The following LPP variants were observed in gnomAD, a reference collection of about 807,000 sequenced individuals.
LPP encodes LIM domain containing preferred translocation partner in lipoma, also known as lipoma-preferred partner.
A neutral mutation model predicts 60.4 loss-of-function variants in LPP; 38 were observed. The observed-to-expected ratio is 0.63, with a 90% confidence interval of 0.49 to 0.83. The LOEUF (loss-of-function observed/expected upper bound fraction) is 0.83, where lower values mean the gene tolerates loss of function less well. LPP is among the 40% of genes least tolerant of loss of function. LPP has a pLI of 0.00. For synonymous variants in LPP, 328 were observed against 290.8 expected (o/e 1.13, Z -1.30); for missense variants, 902 against 783.6 (o/e 1.15, Z -1.80).
intron 6 of LPP, among the ~76,000 whole-genome samples, chr3:188,525,636 A>T (rs968883727): frequency 6.6e-6 from 1 of 152,278 alleles, no homozygotes; most frequent in African/African-American, 2.4e-5. Context: ...TACAGGGGAC[A>T]TATTTGTGTA....
intron 6 of LPP, among the ~76,000 whole-genome samples, chr3:188,583,194 T>G (rs1836653557): frequency 6.6e-6 from 1 of 152,218 alleles, no homozygotes; most frequent in Non-Finnish European, 1.5e-5. Flanking sequence ...GTTTTCCACG[T>G]GCGAAATAGG....
intron 9 of LPP, among the ~76,000 whole-genome samples, chr3:188,848,441 A>G (rs1413274856): frequency 6.6e-6 from 1 of 152,058 alleles, no homozygotes; most frequent in Non-Finnish European, 1.5e-5. Flanking sequence ...TTCATGTCGC[A>G]CTCTTGCTGA....
intron 5 of LPP, among the ~76,000 whole-genome samples, chr3:188,488,887 T>C (rs1386004972): frequency 1.3e-5 from 2 of 152,172 alleles, no homozygotes; most frequent in Admixed American, 6.5e-5. Context: ...TCCACCCGCC[T>C]TGGCCTCCCA....
intron 6 of LPP, among the ~76,000 whole-genome samples, chr3:188,607,277 G>C (rs1407789418): frequency 6.7e-6 from 1 of 149,358 alleles, no homozygotes; most frequent in African/African-American, 2.5e-5. Flanking sequence ...GAGATGAGAA[G>C]ATTTTTCTCA....
intron 2 of LPP, among the ~76,000 whole-genome samples, chr3:188,252,318 T>G (rs1730126586): frequency 6.8e-6 from 1 of 147,018 alleles, no homozygotes; most frequent in Admixed American, 6.9e-5. Flanking sequence ...CTCTCTTCTT[T>G]TCTTCTTCTC....
At chr3:188,706,467 C>T (rs1011468081) in intron 7 of LPP, among the ~76,000 whole-genome samples, 6 of 152,228 alleles carry the variant, frequency 3.9e-5, no homozygotes, top group Non-Finnish European at 5.9e-5. Flanking sequence ...CAGCCTTCTG[C>T]GTGTCTGTAC....
At position 188,154,381 on chromosome 3, in the gene LPP, C is replaced by A. The variant is rs545958204; in HGVS notation, c.-190+129C>A. Among the ~76,000 whole-genome samples, 20 of 152,220 alleles carry A rather than the reference C, an allele frequency of 1.3e-4. No individual in the cohort carries two copies. In the South Asian group the frequency reaches 3.9e-3, roughly 30 times the overall value. On this transcript the variant is annotated intron_variant, in intron 1 of 11. Transcript: ENST00000617246. ...GGGCGCGCGCCCTGCTCTGGCCTGG[C>A]CCGCTGTGCGGAAGTGCCGGCCGCG...
chr3:188,753,836 T>C (rs545314419), intron 8 of LPP, among the ~76,000 whole-genome samples: 1 of 152,040 alleles, frequency 6.6e-6, no homozygotes, highest in East Asian at 1.9e-4. Context: ...AAACAGACAT[T>C]GGAGCCACCT....
intron 1 of LPP, among the ~76,000 whole-genome samples, chr3:188,220,305 T>A (rs1373905205): frequency 6.6e-6 from 1 of 152,018 alleles, no homozygotes; most frequent in Non-Finnish European, 1.5e-5. Flanking sequence ...CCGTGTGGTA[T>A]GAAAATTTGC....
intron 6 of LPP, among the ~76,000 whole-genome samples, chr3:188,580,113 C>T (rs934373275): frequency 9.9e-5 from 15 of 152,074 alleles, no homozygotes; most frequent in Admixed American, 9.2e-4. Flanking sequence ...ATAGTACTAC[C>T]GTGCAATAAC....
At chr3:188,553,524 T>G (rs886820864) in intron 6 of LPP, among the ~76,000 whole-genome samples, 4 of 152,152 alleles carry the variant, frequency 2.6e-5, no homozygotes, top group African/African-American at 9.7e-5. Context: ...ACACTAGCTT[T>G]TCTTTGAGAT....
rs184322024 is a variant in LPP, at chr3:188,445,307, C to G, written c.193+38994C>G. On this transcript the variant is annotated intron_variant, in intron 4 of 11. Transcript: ENST00000617246. Reference sequence around the variant, plus strand: ...ATATGCACCATGGAATACTATGCAGCCATAAAAAAGGATGAGTTCATGTCC... The same window carrying G: ...ATATGCACCATGGAATACTATGCAGGCATAAAAAAGGATGAGTTCATGTCC... Among the ~76,000 whole-genome samples the G allele has an allele frequency of 2.0e-5, 3 of 152,054 alleles. No individual in the cohort carries two copies. The East Asian group carries it at 5.8e-4, about 29-fold the overall frequency.
intron 7 of LPP, among the ~76,000 whole-genome samples, chr3:188,685,458 A>G (rs1860501268): frequency 6.6e-6 from 1 of 152,170 alleles, no homozygotes; most frequent in Admixed American, 6.5e-5. Context: ...GTAGAAGATA[A>G]GATTGAAAAC....
chr3:188,814,920 A>G (rs879872413), intron 9 of LPP, among the ~76,000 whole-genome samples: 29 of 152,086 alleles, frequency 1.9e-4, no homozygotes, highest in Non-Finnish European at 3.2e-4. Flanking sequence ...TACTTTACCC[A>G]ACTCCAAGAC....
In LPP at chr3:188,602,167, ATATATATATT is replaced by A. The variant is rs1560620418; in HGVS notation, c.430-6993_430-6984del. On this transcript the variant is annotated intron_variant, in intron 6 of 11. Coordinates refer to ENST00000617246, the MANE Select transcript of LPP (RefSeq NM_001375462.1). ...CATATATATATAATATATATATAAT[ATATATATATT>A]ATATATATATATGACATTCTTAATC... Among the ~76,000 whole-genome samples, 253 of 128,590 alleles carry A rather than the reference ATATATATATT, an allele frequency of 2.0e-3. 18 individuals carry two copies. Among genetic ancestry groups the A allele is most frequent in the Non-Finnish European group, 3.0e-3 (173 of 58,542 alleles). The allele number at this position is 128,590 out of a possible 152,430, so 84.4% of individuals were successfully genotyped here.
At chr3:188,737,133 T>C (rs2150122630) in intron 8 of LPP, among the ~76,000 whole-genome samples, 1 of 152,274 alleles carries the variant, frequency 6.6e-6, no homozygotes, top group Non-Finnish European at 1.5e-5. Flanking sequence ...AATTTTCAAG[T>C]TCCGTACAAT....
At position 188,874,439 on chromosome 3, in the gene LPP, G is replaced by A. The variant is rs142557237; in HGVS notation, c.1799G>A (p.Arg600His). The A allele has an allele frequency of 3.2e-4, 521 of 1,614,122 alleles. 2 individuals carry two copies. Among genetic ancestry groups the A allele is most frequent in the Middle Eastern group, 8.2e-4 (5 of 6,062 alleles). Reference protein sequence around the residue: ...HILCKTCNSARIRVLTAKAST... With the variant: ...HILCKTCNSAHIRVLTAKAST... ...CTCTGCAAGACCTGCAACTCTGCCCGCATCAGGGTGTTGACCGCCAAGGCG... is the reference window on the plus strand; with the variant it reads ...CTCTGCAAGACCTGCAACTCTGCCCACATCAGGGTGTTGACCGCCAAGGCG... Residue 600 changes from arginine (R) to histidine (H), a missense_variant, in exon 12 of 12, where the codon CGC (arginine) becomes CAC (histidine). By Grantham distance (29) the Arg-to-His change is conservative. Transcript: ENST00000617246.
chr3:188,260,743 T>C (rs918611031), intron 2 of LPP, among the ~76,000 whole-genome samples: 1 of 152,012 alleles, frequency 6.6e-6, no homozygotes, highest in Non-Finnish European at 1.5e-5. Context: ...AAAAAGAAAG[T>C]GTTTCTGGGC....
At chr3:188,602,248 G>A (rs1841517257) in intron 6 of LPP, among the ~76,000 whole-genome samples, 2 of 142,800 alleles carry the variant, frequency 1.4e-5, no homozygotes, top group Admixed American at 1.4e-4. Flanking sequence ...CAAGTGGATA[G>A]TGTAAGTGGC....
Sources: allele counts gnomAD v4.1 joint callset (sites outside exome capture counted in the v4.1 genomes callset), GRCh38; gene constraint gnomAD v4.1.1; transcripts MANE v1.5; gene names NCBI Gene and HGNC (gene_info 2026-07-23, HGNC 2026-07-21).